CPLX2: variants seen among roughly 807,000 people sequenced by gnomAD.
CPLX2 encodes complexin-2.
In CPLX2, 5 loss-of-function variants were observed where a neutral mutation model predicts 16.3. The observed-to-expected ratio is 0.31, with a 90% CI of 0.16 to 0.64. The LOEUF is 0.64. Ranked by LOEUF, CPLX2 falls within the 30% of genes least tolerant of loss-of-function variation. CPLX2 has a pLI of 0.79. For missense variants in CPLX2, 144 were observed against 181.4 expected (o/e 0.79, Z 1.18); for synonymous variants, 89 against 73.2 (o/e 1.22, Z -1.10).
chr5:175,821,732 CTCA>C (rs879864473), intron 2 of CPLX2, among the ~76,000 whole-genome samples: 2 of 152,228 alleles, frequency 1.3e-5, no homozygotes, highest in African/African-American at 2.4e-5. Context: ...TATTGGGACA[CTCA>C]TTTCCTTCAA....
chr5:175,823,541 G>A (rs1758551789), intron 2 of CPLX2, among the ~76,000 whole-genome samples: 1 of 152,230 alleles, frequency 6.6e-6, no homozygotes, highest in Non-Finnish European at 1.5e-5. Context: ...AACACAAACA[G>A]AGCTGCCCCT....
At position 175,879,853 on chromosome 5, in the gene CPLX2, G is replaced by C. The variant is rs1296978721; in HGVS notation, c.213G>C (p.Gly71=). The change falls in exon 4 of 4, where the codon GGG becomes GGC. Residue 71 remains glycine (G), a synonymous_variant. Transcript: ENST00000393745. ...KVRQQIRDKY[G]LKKKEEKEAE... ...TCTGCCCTCCCCCTCCCCAGTATGGGCTGAAGAAGAAGGAGGAGAAGGAAG... is the reference window on the plus strand; with the variant it reads ...TCTGCCCTCCCCCTCCCCAGTATGGCCTGAAGAAGAAGGAGGAGAAGGAAG... The C allele has an allele frequency of 6.2e-7, 1 of 1,611,254 alleles. No individual in the cohort carries two copies. The highest frequency in any genetic ancestry group is 2.2e-5 in the East Asian group (1 of 44,832).
At chr5:175,841,741 G>A (rs1758948672) in intron 2 of CPLX2, among the ~76,000 whole-genome samples, 1 of 152,202 alleles carries the variant, frequency 6.6e-6, no homozygotes, top group South Asian at 2.1e-4. Context: ...GATTGGCACA[G>A]TGGTTAGAAG....
intron 1 of CPLX2, among the ~76,000 whole-genome samples, chr5:175,875,655 C>T (rs1181699817): frequency 6.6e-6 from 1 of 152,064 alleles, no homozygotes. Context: ...TATACTTTCG[C>T]CCGTGAAGTG....
At chr5:175,838,412 C>T (rs960070012) in intron 2 of CPLX2, among the ~76,000 whole-genome samples, 2 of 152,042 alleles carry the variant, frequency 1.3e-5, no homozygotes, top group Non-Finnish European at 2.9e-5. Context: ...GGACTACAGG[C>T]GCCCACCACC....
At chr5:175,870,570 C>T (rs975325913), upstream of CPLX2, among the ~76,000 whole-genome samples, 2 of 151,582 alleles carry the variant, frequency 1.3e-5, no homozygotes, top group South Asian at 2.1e-4. Context: ...AATTGGGAGC[C>T]GAAAGATGGC....
At chr5:175,837,848 G>A (rs1010548115) in intron 2 of CPLX2, 4 of 152,170 alleles carry the variant, frequency 2.6e-5, no homozygotes, top group East Asian at 1.9e-4. Context: ...ACCAAGCCAC[G>A]GGGCCGGACA....
At chr5:175,873,239 C>A (rs1759677393) in intron 1 of CPLX2, among the ~76,000 whole-genome samples, 1 of 144,200 alleles carries the variant, frequency 6.9e-6, no homozygotes, top group Non-Finnish European at 1.5e-5. Flanking sequence ...CCTCAGCACT[C>A]CCGCAGGCAT....
chr5:175,823,446 G>T (rs1051384440), intron 2 of CPLX2, among the ~76,000 whole-genome samples: 2 of 152,156 alleles, frequency 1.3e-5, no homozygotes, highest in African/African-American at 4.8e-5. Context: ...ATGAAGGGAT[G>T]AATAAATAGA....
At chr5:175,877,842 A>T (rs1203267898) in intron 1 of CPLX2, among the ~76,000 whole-genome samples, 1 of 152,168 alleles carries the variant, frequency 6.6e-6, no homozygotes, top group Non-Finnish European at 1.5e-5. Context: ...AAAACATAAT[A>T]AAAAATATAA....
intron 2 of CPLX2, among the ~76,000 whole-genome samples, chr5:175,821,744 A>G (rs960077293): frequency 4.6e-5 from 7 of 152,214 alleles, no homozygotes; most frequent in African/African-American, 1.7e-4. Flanking sequence ...CATTTCCTTC[A>G]AATAAATATA....
chr5:175,859,263 C>A (rs576694437), intron 2 of CPLX2, among the ~76,000 whole-genome samples: 1 of 152,326 alleles, frequency 6.6e-6, no homozygotes, highest in East Asian at 1.9e-4. Flanking sequence ...ATTATGCAGT[C>A]CAAACACACT....
At chr5:175,869,475 C>T (rs1268764167), upstream of CPLX2, among the ~76,000 whole-genome samples, 2 of 152,204 alleles carry the variant, frequency 1.3e-5, no homozygotes, top group African/African-American at 4.8e-5. Context: ...CTTCTGCCTG[C>T]TTCCTTTACC....
intron 2 of CPLX2, among the ~76,000 whole-genome samples, chr5:175,865,235 T>C (rs991066798): frequency 7.9e-5 from 12 of 152,264 alleles, no homozygotes; most frequent in African/African-American, 2.9e-4. Context: ...ATCCTTGCTT[T>C]AACAAGACAG....
rs1755660367 is a variant in CPLX2, at chr5:175,883,074, C to A, written c.*3029C>A. 6.6e-6 allele frequency: 1 copy of A among 152,334 alleles called. No homozygotes were observed. Among genetic ancestry groups the A allele is most frequent in the Middle Eastern group, 3.4e-3 (1 of 296 alleles). The allele number at this position is 152,334 out of a possible 1,614,324, so 9.4% of individuals were successfully genotyped here. ...CGCACACAACACACAAGGGAGAGAA[C>A]CCCCAGATGAGAAAATAGGAAGGAG... On this transcript the variant is annotated 3_prime_UTR_variant, in exon 4 of 4. Coordinates refer to ENST00000393745, the MANE Select transcript of CPLX2 (RefSeq NM_001008220.2).
chr5:175,812,331 C>T (rs1758326682), intron 2 of CPLX2, among the ~76,000 whole-genome samples: 1 of 152,196 alleles, frequency 6.6e-6, no homozygotes, highest in Admixed American at 6.5e-5. Flanking sequence ...TTCAGGTGAG[C>T]AGGGGCTGCT....
At position 175,877,906 on chromosome 5, in the gene CPLX2, G is replaced by A. The variant is rs59000921; in HGVS notation, c.-88-746G>A. ...GAGGAGTAGGGTGCTAATGTCTGCC[G>A]AGTGCCTGCAAGGCCCGTGCTAGGT... On this transcript the variant is annotated intron_variant, in intron 1 of 3. Coordinates refer to ENST00000393745, the MANE Select transcript of CPLX2 (RefSeq NM_001008220.2). 8.6e-3 allele frequency among the ~76,000 whole-genome samples: 1,303 copies of A among 152,284 alleles called. 21 individuals carry two copies. The highest frequency in any genetic ancestry group is 0.03 in the African/African-American group (1,228 of 41,550).
At chr5:175,826,379 G>A (rs1758615038) in intron 2 of CPLX2, among the ~76,000 whole-genome samples, 1 of 152,148 alleles carries the variant, frequency 6.6e-6, no homozygotes. Context: ...TGGGCCAGAT[G>A]TTCGAAGGCC....
chr5:175,866,399 A>T (rs990173585), intron 2 of CPLX2, among the ~76,000 whole-genome samples: 2 of 152,256 alleles, frequency 1.3e-5, no homozygotes, highest in African/African-American at 4.8e-5. Context: ...GGAAAGATTT[A>T]CTACCAAAAT....
Sources: allele counts gnomAD v4.1 joint callset (sites outside exome capture counted in the v4.1 genomes callset), GRCh38; gene constraint gnomAD v4.1.1; transcripts MANE v1.5; gene names NCBI Gene and HGNC (gene_info 2026-07-23, HGNC 2026-07-21).